Variants in TTC28 observed in about 807,000 individuals in gnomAD.
TTC28 encodes tetratricopeptide repeat protein 28.
A neutral mutation model predicts 198.0 loss-of-function variants in TTC28; 61 were observed. The ratio of observed to expected loss-of-function variants is 0.31; its 90% CI spans 0.25 to 0.38. The LOEUF (loss-of-function observed/expected upper bound fraction) is 0.38, where lower values mean the gene tolerates loss of function less well. TTC28 is among the 10% of genes least tolerant of loss of function. TTC28 has a pLI of 1.00. For synonymous variants in TTC28, 1,171 were observed against 1,297.8 expected, an observed-to-expected ratio of 0.90 and a Z score of 2.10; for missense variants, 2,678 against 3,164.0, an observed-to-expected ratio of 0.85 and a Z score of 3.69.
intron 2 of TTC28, among the ~76,000 whole-genome samples, chr22:28,483,129 G>C (rs552656122): frequency 3.3e-5 from 5 of 152,276 alleles, no homozygotes; most frequent in South Asian, 4.1e-4. Flanking sequence ...GAATGGCCGA[G>C]CTGTTTTCCA....
At chr22:28,553,371 A>C (rs1202080543) in intron 2 of TTC28, among the ~76,000 whole-genome samples, 1 of 142,164 alleles carries the variant, frequency 7.0e-6, no homozygotes, top group Non-Finnish European at 1.5e-5. Flanking sequence ...CATCCCATCT[A>C]GGAAGTGAGG....
intron 2 of TTC28, among the ~76,000 whole-genome samples, chr22:28,421,571 G>T (rs1327755219): frequency 6.6e-6 from 1 of 152,060 alleles, no homozygotes; most frequent in Non-Finnish European, 1.5e-5. Context: ...TAAAGATGAA[G>T]TTACCATTTA....
At chr22:28,640,338 A>G (rs1221961996) in intron 1 of TTC28, among the ~76,000 whole-genome samples, 1 of 151,394 alleles carries the variant, frequency 6.6e-6, no homozygotes, top group Non-Finnish European at 1.5e-5. Context: ...GATGAGCAAT[A>G]AGAGACCTAA....
intron 11 of TTC28, among the ~76,000 whole-genome samples, chr22:28,095,518 T>C (rs1317439154): frequency 6.6e-6 from 1 of 152,158 alleles, no homozygotes; most frequent in Non-Finnish European, 1.5e-5. Flanking sequence ...ACTTCCCCAG[T>C]CAATAAACTC....
chr22:28,023,981 G>A lies in TTC28; in HGVS notation c.4073+6245C>T, dbSNP rs117411539. 4.8e-4 allele frequency among the ~76,000 whole-genome samples: 73 copies of A among 152,238 alleles called. No individual in the cohort carries two copies. The East Asian group carries it at 8.1e-3, about 17-fold the overall frequency. Reference sequence around the variant, plus strand: ...GTGCTAGGAAGTAATCAGCAGACGCGCACTGCTGTCATTATCATCTTTGTT... The same window carrying A: ...GTGCTAGGAAGTAATCAGCAGACGCACACTGCTGTCATTATCATCTTTGTT... On this transcript the variant is annotated intron_variant, in intron 13 of 22. Transcript: ENST00000397906.
intron 1 of TTC28, among the ~76,000 whole-genome samples, chr22:28,661,718 C>T (rs1450885011): frequency 6.6e-6 from 1 of 151,888 alleles, no homozygotes; most frequent in East Asian, 1.9e-4. Context: ...AAGCAATTAT[C>T]CTACCTCAGC....
intron 2 of TTC28, among the ~76,000 whole-genome samples, chr22:28,600,521 A>T (rs1242875320): frequency 2.0e-5 from 3 of 152,230 alleles, no homozygotes; most frequent in Non-Finnish European, 4.4e-5. Flanking sequence ...AACCAGCTGA[A>T]CACTTAACAT....
At chr22:28,021,603 A>C (rs552178759) in intron 13 of TTC28, among the ~76,000 whole-genome samples, 1 of 152,154 alleles carries the variant, frequency 6.6e-6, no homozygotes, top group Non-Finnish European at 1.5e-5. Flanking sequence ...CAATTTGATG[A>C]GGACCAAGCA....
intron 2 of TTC28, among the ~76,000 whole-genome samples, chr22:28,503,839 G>A (rs1264045539): frequency 6.6e-6 from 1 of 152,180 alleles, no homozygotes; most frequent in African/African-American, 2.4e-5. Context: ...ACGATTGTCA[G>A]TTTAATAATA....
chr22:28,134,547 G>A (rs1193838594), intron 6 of TTC28, among the ~76,000 whole-genome samples: 2 of 152,228 alleles, frequency 1.3e-5, no homozygotes, highest in African/African-American at 2.4e-5. Context: ...ACTACATGAT[G>A]AATGCACAAG....
At chr22:28,420,593 T>TG (rs1569315704) in intron 2 of TTC28, among the ~76,000 whole-genome samples, 4 of 151,796 alleles carry the variant, frequency 2.6e-5, no homozygotes, top group Admixed American at 1.3e-4. Flanking sequence ...AGGTGTTTTT[T>TG]TTGTTGTTGT....
intron 2 of TTC28, among the ~76,000 whole-genome samples, chr22:28,626,439 G>T (rs183507290): frequency 6.6e-6 from 1 of 152,022 alleles, no homozygotes; most frequent in East Asian, 1.9e-4. Flanking sequence ...TTCAGATAAA[G>T]ACTTTAGAAA....
At chr22:28,659,625 G>A (rs1432577036) in intron 1 of TTC28, among the ~76,000 whole-genome samples, 4 of 151,988 alleles carry the variant, frequency 2.6e-5, no homozygotes, top group Admixed American at 2.6e-4. Flanking sequence ...TGCCTGGTGT[G>A]GTGGCTCATG....
At chr22:27,993,871 G>T (rs1176881192) in intron 17 of TTC28, among the ~76,000 whole-genome samples, 1 of 152,202 alleles carries the variant, frequency 6.6e-6, no homozygotes, top group Non-Finnish European at 1.5e-5. Flanking sequence ...CTGCCCACTA[G>T]GATAAACCCT....
At chr22:28,555,224 A>G (rs1333122316) in intron 2 of TTC28, among the ~76,000 whole-genome samples, 1 of 152,236 alleles carries the variant, frequency 6.6e-6, no homozygotes, top group East Asian at 1.9e-4. Flanking sequence ...GTGAAAAGGG[A>G]CCACTTTTAC....
chr22:28,019,942 C>T (rs1938524567), intron 13 of TTC28, among the ~76,000 whole-genome samples: 1 of 152,260 alleles, frequency 6.6e-6, no homozygotes. Flanking sequence ...TCTGCCGGCA[C>T]AGCCAGGCCT....
intron 2 of TTC28, among the ~76,000 whole-genome samples, chr22:28,545,448 A>G (rs2049519810): frequency 1.3e-5 from 2 of 152,164 alleles, no homozygotes; most frequent in East Asian, 3.9e-4. Flanking sequence ...GCATAGTGGC[A>G]TGCACCTACA....
intron 6 of TTC28, among the ~76,000 whole-genome samples, chr22:28,152,456 C>G (rs1002979684): frequency 6.6e-6 from 1 of 152,176 alleles, no homozygotes; most frequent in Admixed American, 6.5e-5. Flanking sequence ...GTGGAAAGAT[C>G]TGTGGACTTG....
intron 2 of TTC28, among the ~76,000 whole-genome samples, chr22:28,586,286 A>AT (rs2050317613): frequency 6.6e-6 from 1 of 152,026 alleles, no homozygotes; most frequent in African/African-American, 2.4e-5. Context: ...CTCAAAAAAA[A>AT]AAAAAAGAAA....
Sources: allele counts gnomAD v4.1 joint callset (sites outside exome capture counted in the v4.1 genomes callset), GRCh38; gene constraint gnomAD v4.1.1; transcripts MANE v1.5; gene names NCBI Gene and HGNC (gene_info 2026-07-23, HGNC 2026-07-21).